COL23A1: variants seen among roughly 807,000 people sequenced by gnomAD.
The protein encoded by COL23A1 is collagen alpha-1(XXIII) chain.
A neutral mutation model predicts 99.3 loss-of-function variants in COL23A1; 97 were observed. That is an observed-to-expected ratio of 0.98 (90% CI 0.83 to 1.16). The LOEUF is 1.16. Ranked by LOEUF, COL23A1 falls within the 50% of genes most tolerant of loss-of-function variation. The pLI, the probability that COL23A1 is intolerant of heterozygous loss-of-function variation, is 0.00. For synonymous variants in COL23A1, 320 were observed against 308.2 expected, an observed-to-expected ratio of 1.04 and a Z score of -0.40; for missense variants, 762 against 757.4, an observed-to-expected ratio of 1.01 and a Z score of -0.07.
chr5:178,287,482 C>A (rs907924272), intron 5 of COL23A1, among the ~76,000 whole-genome samples: 1 of 152,324 alleles, frequency 6.6e-6, no homozygotes, highest in East Asian at 1.9e-4. Flanking sequence ...GTCACTCAGC[C>A]GAGAGGAAGC....
At chr5:178,476,156 A>T (rs952087) in intron 2 of COL23A1, among the ~76,000 whole-genome samples, 26,926 of 152,118 alleles carry the variant, frequency 0.18, 2,414 homozygotes, top group Middle Eastern at 0.2. Context: ...TCCCTAGTGT[A>T]AGAACATGTC....
At chr5:178,362,103 G>A (rs1165673808) in intron 2 of COL23A1, among the ~76,000 whole-genome samples, 2 of 152,248 alleles carry the variant, frequency 1.3e-5, no homozygotes, top group Non-Finnish European at 2.9e-5. Flanking sequence ...CCAACTTTTA[G>A]CGGACGTCGC....
chr5:178,440,895 G>GC (rs1766828579), intron 2 of COL23A1, among the ~76,000 whole-genome samples: 1 of 152,180 alleles, frequency 6.6e-6, no homozygotes, highest in Admixed American at 6.5e-5. Context: ...GGGATTACAT[G>GC]CATGAGCCAC....
intron 2 of COL23A1, among the ~76,000 whole-genome samples, chr5:178,315,116 C>T (rs996767115): frequency 2.6e-5 from 4 of 152,138 alleles, no homozygotes; most frequent in Non-Finnish European, 5.9e-5. Flanking sequence ...AAAATGCCTG[C>T]AGTTTCTGGG....
chr5:178,299,442 T>A (rs1398065471), intron 3 of COL23A1, among the ~76,000 whole-genome samples: 1 of 152,220 alleles, frequency 6.6e-6, no homozygotes, highest in Non-Finnish European at 1.5e-5. Flanking sequence ...ATACAATTGT[T>A]ACTAGTGTTT....
chr5:178,251,025 A>ATTTTTT (rs70994990), intron 17 of COL23A1, among the ~76,000 whole-genome samples: 5 of 121,264 alleles, frequency 4.1e-5, no homozygotes, highest in African/African-American at 1.2e-4. Context: ...TCGCAAGATA[A>ATTTTTT]TTTTTTTTTT....
chr5:178,246,249 G>T lies in COL23A1; in HGVS notation c.1413+5C>A, dbSNP rs758645290. ...TGGAGAGGGAGTTCCGAATGAGGCG[G>T]TTACCTTCTCTCCTTTGGTTCCTGG... On this transcript the variant is annotated splice_donor_5th_base_variant and intron_variant, in intron 24 of 28. Coordinates refer to ENST00000390654, the MANE Select transcript of COL23A1 (RefSeq NM_173465.4). The T allele has an allele frequency of 7.7e-6, 12 of 1,553,328 alleles. No homozygotes were observed. Among genetic ancestry groups the T allele is most frequent in the Non-Finnish European group, 8.7e-6 (10 of 1,147,770 alleles).
rs151155289 is a variant in COL23A1 at position 178,457,640 on chromosome 5, G to T, written c.361+103042C>A. On this transcript the variant is annotated intron_variant, in intron 2 of 28. Transcript: ENST00000390654. ...AGGTTTTCCTTAATAACAAAAAGAA[G>T]TGCCCAAACAAAACCAAAAGCCACT... 9.9e-5 allele frequency among the ~76,000 whole-genome samples: 15 copies of T among 152,242 alleles called. No individual in the cohort carries two copies. In the East Asian group the frequency reaches 2.9e-3, roughly 29 times the overall value.
chr5:178,458,462 C>T (rs1406494543), intron 2 of COL23A1, among the ~76,000 whole-genome samples: 2 of 152,052 alleles, frequency 1.3e-5, no homozygotes, highest in Non-Finnish European at 2.9e-5. Context: ...CATAGTGAAA[C>T]TCCGTCTTGA....
intron 5 of COL23A1, among the ~76,000 whole-genome samples, chr5:178,283,415 C>T (rs908750666): frequency 6.6e-6 from 1 of 152,174 alleles, no homozygotes; most frequent in Non-Finnish European, 1.5e-5. Context: ...GGGATCTCCC[C>T]CAAGATCTCT....
intron 5 of COL23A1, among the ~76,000 whole-genome samples, chr5:178,279,082 G>A (rs1359480869): frequency 6.6e-6 from 1 of 152,178 alleles, no homozygotes; most frequent in African/African-American, 2.4e-5. Flanking sequence ...CCAAAGCTTT[G>A]CTCGAGCCCT....
intron 2 of COL23A1, among the ~76,000 whole-genome samples, chr5:178,497,004 G>GT: frequency 6.6e-6 from 1 of 152,270 alleles, no homozygotes; most frequent in Non-Finnish European, 1.5e-5. Context: ...GAGACACATT[G>GT]TCTTAAGCTC....
chr5:178,451,580 C>T (rs909479944), intron 2 of COL23A1, among the ~76,000 whole-genome samples: 6 of 148,886 alleles, frequency 4.0e-5, no homozygotes, highest in Non-Finnish European at 5.9e-5. Flanking sequence ...TTGCTTGAAC[C>T]CGGGAGGCAG....
At position 178,542,210 on chromosome 5, in the gene COL23A1, C is replaced by A. The variant is rs536370103; in HGVS notation, c.361+18472G>T. On this transcript the variant is annotated intron_variant, in intron 2 of 28. Transcript: ENST00000390654. ...AACTAATTACAGGCACGCGCCACCA[C>A]AACCAGCTAATTTTTGTATTTTTAT... Among the ~76,000 whole-genome samples, 15 of 152,266 alleles carry A rather than the reference C, an allele frequency of 9.9e-5. 2 individuals are homozygous for A. In the South Asian group the frequency reaches 2.9e-3, roughly 29 times the overall value.
At chr5:178,517,382 C>T (rs149629197) in intron 2 of COL23A1, among the ~76,000 whole-genome samples, 2 of 152,096 alleles carry the variant, frequency 1.3e-5, no homozygotes, top group Non-Finnish European at 2.9e-5. Context: ...TGTCTATACA[C>T]GGGCACTGTG....
chr5:178,466,496 C>T (rs957456300), intron 2 of COL23A1, among the ~76,000 whole-genome samples: 2 of 152,224 alleles, frequency 1.3e-5, no homozygotes, highest in East Asian at 3.8e-4. Flanking sequence ...CAGGTCTGCG[C>T]ATCCCTGGCC....
At chr5:178,338,603 G>A (rs1211222742) in intron 2 of COL23A1, among the ~76,000 whole-genome samples, 1 of 151,774 alleles carries the variant, frequency 6.6e-6, no homozygotes, top group East Asian at 1.9e-4. Flanking sequence ...CACCGGGAAT[G>A]GGGTAGCTCC....
intron 2 of COL23A1, among the ~76,000 whole-genome samples, chr5:178,495,177 C>G (rs1461956483): frequency 6.6e-6 from 1 of 152,224 alleles, no homozygotes; most frequent in Admixed American, 6.5e-5. Flanking sequence ...GCTCCCTGCA[C>G]TGCAGGCTCC....
At chr5:178,284,735 C>T (rs1757067286) in intron 5 of COL23A1, among the ~76,000 whole-genome samples, 1 of 151,946 alleles carries the variant, frequency 6.6e-6, no homozygotes, top group South Asian at 2.1e-4. Context: ...TTTAATGATG[C>T]AGAAAAGTCT....
Sources: allele counts gnomAD v4.1 joint callset (sites outside exome capture counted in the v4.1 genomes callset), GRCh38; gene constraint gnomAD v4.1.1; transcripts MANE v1.5; gene names NCBI Gene and HGNC (gene_info 2026-07-23, HGNC 2026-07-21).